STIM2: variants seen among roughly 807,000 people sequenced by gnomAD.
STIM2 encodes stromal interaction molecule 2.
STIM2 carries 31 observed loss-of-function variants against 85.8 expected under a neutral mutation model. That is an observed-to-expected ratio of 0.36 (90% CI 0.27 to 0.49). STIM2 has a LOEUF of 0.49. Among genes scored for constraint, STIM2 ranks in the 20% least tolerant of loss-of-function variants. The pLI is 0.98. For missense variants in STIM2, 841 were observed against 927.6 expected (o/e 0.91, Z 1.21); for synonymous variants, 356 against 331.1 (o/e 1.08, Z -0.82).
At chr4:26,920,701 A>G (rs1350698791) in intron 2 of STIM2, among the ~76,000 whole-genome samples, 1 of 152,196 alleles carries the variant, frequency 6.6e-6, no homozygotes, top group Non-Finnish European at 1.5e-5. Flanking sequence ...GAGAATGCCC[A>G]TCTGTTTTCA....
At chr4:27,015,886 T>C (rs1467584285) in intron 10 of STIM2, among the ~76,000 whole-genome samples, 1 of 151,994 alleles carries the variant, frequency 6.6e-6, no homozygotes, top group Non-Finnish European at 1.5e-5. Context: ...ATTATCTCTT[T>C]GAATATTGTT....
chr4:26,879,502 T>C (rs1221721439), intron 1 of STIM2, among the ~76,000 whole-genome samples: 1 of 152,208 alleles, frequency 6.6e-6, no homozygotes, highest in Non-Finnish European at 1.5e-5. Context: ...ATATTATTAC[T>C]ATGAATTCTG....
chr4:26,950,424 G>T (rs1053800001), intron 2 of STIM2, among the ~76,000 whole-genome samples: 2 of 152,146 alleles, frequency 1.3e-5, no homozygotes, highest in African/African-American at 4.8e-5. Flanking sequence ...TGGCTTGAAT[G>T]TGTTCCCCAA....
At chr4:26,895,198 T>G (rs1405623923) in intron 1 of STIM2, among the ~76,000 whole-genome samples, 1 of 152,146 alleles carries the variant, frequency 6.6e-6, no homozygotes, top group African/African-American at 2.4e-5. Flanking sequence ...GGCGACAGAG[T>G]GAGACTGTCT....
intron 1 of STIM2, among the ~76,000 whole-genome samples, chr4:26,879,970 G>A (rs1722943728): frequency 6.6e-6 from 1 of 152,136 alleles, no homozygotes; most frequent in African/African-American, 2.4e-5. Context: ...GATTCCTGCA[G>A]TACCTTCCTA....
intron 1 of STIM2, among the ~76,000 whole-genome samples, chr4:26,869,759 A>G (rs1026210280): frequency 6.6e-6 from 1 of 151,636 alleles, no homozygotes; most frequent in Non-Finnish European, 1.5e-5. Flanking sequence ...GAAAATATGT[A>G]TAAATATTTT....
intron 1 of STIM2, among the ~76,000 whole-genome samples, chr4:26,891,566 C>T (rs773573386): frequency 3.4e-5 from 3 of 87,826 alleles, no homozygotes; most frequent in Non-Finnish European, 6.8e-5. Flanking sequence ...CATACACACA[C>T]ACACACACAC....
At chr4:26,907,997 C>T (rs550862428) in intron 1 of STIM2, among the ~76,000 whole-genome samples, 35 of 152,230 alleles carry the variant, frequency 2.3e-4, no homozygotes, top group Admixed American at 1.6e-3. Context: ...ATTTTTGTTG[C>T]TGAGACCAAA....
chr4:26,861,462 A>G (rs563702327), intron 1 of STIM2, 93 bp downstream of exon 1: 129 of 1,234,608 alleles, frequency 1.0e-4, no homozygotes, highest in Non-Finnish European at 1.2e-4. Context: ...GACGTCCGCT[A>G]TTCCGCGGCT....
At chr4:26,942,731 A>G (rs1009380645) in intron 2 of STIM2, among the ~76,000 whole-genome samples, 8 of 152,012 alleles carry the variant, frequency 5.3e-5, no homozygotes, top group African/African-American at 1.9e-4. Flanking sequence ...TTTCTACTAT[A>G]TTGGTTGCTG....
chr4:26,978,095 G>C (rs1265378744), intron 3 of STIM2, among the ~76,000 whole-genome samples: 1 of 151,910 alleles, frequency 6.6e-6, no homozygotes, highest in African/African-American at 2.4e-5. Flanking sequence ...GTCTTTGATT[G>C]GAATGGATTA....
intron 2 of STIM2, among the ~76,000 whole-genome samples, chr4:26,936,225 G>C (rs1163563116): frequency 6.6e-6 from 1 of 152,134 alleles, no homozygotes; most frequent in Non-Finnish European, 1.5e-5. Context: ...CATTTATTTA[G>C]TTTAGTACTT....
At chr4:26,879,998 T>C (rs1722944127) in intron 1 of STIM2, among the ~76,000 whole-genome samples, 3 of 151,412 alleles carry the variant, frequency 2.0e-5, no homozygotes. Context: ...GTTATCATTC[T>C]TTACCTTCTG....
At chr4:26,941,197 G>A (rs73251760) in intron 2 of STIM2, among the ~76,000 whole-genome samples, 2 of 152,014 alleles carry the variant, frequency 1.3e-5, no homozygotes, top group East Asian at 1.9e-4. Context: ...TTAGGATTTC[G>A]TTCAGTCTCT....
intron 5 of STIM2, among the ~76,000 whole-genome samples, chr4:27,000,474 T>C (rs1380697462): frequency 6.6e-6 from 1 of 152,240 alleles, no homozygotes; most frequent in Non-Finnish European, 1.5e-5. Flanking sequence ...TCTGTGGGAT[T>C]CTGTCCAATT....
intron 2 of STIM2, among the ~76,000 whole-genome samples, chr4:26,946,808 A>G (rs1471408950): frequency 1.3e-5 from 2 of 152,178 alleles, no homozygotes; most frequent in East Asian, 3.8e-4. Context: ...GTGGTTTCTT[A>G]TAATTCGCGG....
chr4:26,894,749 C>G (rs913561911), intron 1 of STIM2, among the ~76,000 whole-genome samples: 3 of 152,006 alleles, frequency 2.0e-5, no homozygotes, highest in Non-Finnish European at 4.4e-5. Flanking sequence ...TTTATTTGTT[C>G]TTTTTCAAGA....
chr4:26,941,256 T>A (rs1725600276), intron 2 of STIM2, among the ~76,000 whole-genome samples: 1 of 152,190 alleles, frequency 6.6e-6, no homozygotes, highest in Non-Finnish European at 1.5e-5. Flanking sequence ...TTTAAAGATT[T>A]AGTTCAAGTG....
At chr4:26,913,359 T>G (rs1434936069) in intron 1 of STIM2, among the ~76,000 whole-genome samples, 1 of 152,078 alleles carries the variant, frequency 6.6e-6, no homozygotes, top group Non-Finnish European at 1.5e-5. Flanking sequence ...AGACTTTATT[T>G]TCGACTTCAT....
Sources: gnomAD v4.1 joint callset for allele counts (sites outside exome capture counted in the v4.1 genomes callset) on GRCh38, gnomAD v4.1.1 for gene constraint, MANE v1.5 for transcripts, NCBI Gene and HGNC (gene_info 2026-07-23, HGNC 2026-07-21) for gene names.